CELF2: variants seen among roughly 807,000 people sequenced by gnomAD.
The protein encoded by CELF2 is CUGBP Elav-like family member 2, also known as CUG triplet repeat RNA-binding protein 2.
Under a neutral mutation model 62.6 loss-of-function variants are expected in CELF2, and 8 were observed. The observed-to-expected ratio is 0.13, with a 90% CI of 0.07 to 0.23. The LOEUF is 0.23. CELF2 is among the 10% of genes least tolerant of loss of function. The probability of loss-of-function intolerance (pLI) is 1.00; values close to 1 mark genes in which losing one functional copy is unlikely to be tolerated. For missense variants in CELF2, 333 were observed against 671.0 expected (o/e 0.50, Z 5.56); for synonymous variants, 258 against 250.0 (o/e 1.03, Z -0.30).
intron 1 of CELF2, among the ~76,000 whole-genome samples, chr10:10,914,201 G>A (rs2064115228): frequency 6.6e-6 from 1 of 152,002 alleles, no homozygotes; most frequent in Non-Finnish European, 1.5e-5. Flanking sequence ...AACATTCCAG[G>A]TCTTAAAAAT....
At chr10:11,114,732 C>T (rs2056145455) in intron 1 of CELF2, among the ~76,000 whole-genome samples, 1 of 152,182 alleles carries the variant, frequency 6.6e-6, no homozygotes, top group South Asian at 2.1e-4. Flanking sequence ...GAAATGTATC[C>T]TAACATATTA....
intron 2 of CELF2, among the ~76,000 whole-genome samples, chr10:10,956,870 T>G (rs2048961435): frequency 6.6e-6 from 1 of 151,586 alleles, no homozygotes; most frequent in Non-Finnish European, 1.5e-5. Context: ...GGGAGTCAAG[T>G]CTGCAGTGAG....
At chr10:10,631,923 A>G in the CELF2 span, among the ~76,000 whole-genome samples, 1 of 152,318 alleles carries the variant, frequency 6.6e-6, no homozygotes, top group Non-Finnish European at 1.5e-5. Context: ...GCAAGGCTAC[A>G]TTTTTTGGAG....
Position 11,302,273 on chromosome 10 carries a change from G to A in CELF2, c.977-11866G>A, listed in dbSNP as rs1359627702. 6.6e-6 allele frequency among the ~76,000 whole-genome samples: 1 copy of A among 152,148 alleles called. No homozygotes were observed. The highest frequency in any genetic ancestry group is 1.5e-5 in the Non-Finnish European group (1 of 68,046). On this transcript the variant is annotated intron_variant, in intron 9 of 12. Coordinates refer to ENST00000633077, the MANE Select transcript of CELF2 (RefSeq NM_001326342.2). The surrounding 1 kb of genome is among the most constrained non-coding windows in gnomAD (Gnocchi z 5.0). The stretch of plus-strand genomic sequence containing the variant: ...ATCAAGTTTTCACCCAGTCGTGATG[G>A]AATTTGACAGCACCGCATCGGATAG...
In CELF2 at chr10:11,098,851, G is replaced by A. The variant is rs972232412; in HGVS notation, c.75-66635G>A. On this transcript the variant is annotated intron_variant, in intron 1 of 12. Coordinates refer to ENST00000633077, the MANE Select transcript of CELF2 (RefSeq NM_001326342.2). This position sits in a 1 kb window ranked among gnomAD's most constrained non-coding sequence, Gnocchi z 4.0. ...GGGTGATAATTCTACCTGGGCAGCA[G>A]GCCACGCGTGAGAGCAGCTTCCCCG... 6.6e-6 allele frequency among the ~76,000 whole-genome samples: 1 copy of A among 152,196 alleles called. No homozygotes were observed. Among genetic ancestry groups the A allele is most frequent in the Non-Finnish European group, 1.5e-5 (1 of 68,032 alleles).
chr10:11,262,836 TACTTCTTTC>T (rs141472384), intron 5 of CELF2, among the ~76,000 whole-genome samples: 7,444 of 152,052 alleles, frequency 0.049, 647 homozygotes, highest in African/African-American at 0.17. Context: ...ACACAAGTTA[TACTTCTTTC>T]ACTTGAAGTA....
chr10:10,930,821 A>G (rs951591207), intron 2 of CELF2, among the ~76,000 whole-genome samples: 1 of 152,220 alleles, frequency 6.6e-6, no homozygotes, highest in Non-Finnish European at 1.5e-5. Flanking sequence ...ATTAAATACA[A>G]TATTCTCATC....
the CELF2 span, among the ~76,000 whole-genome samples, chr10:10,562,784 C>CCTACCTCCCTGCCCTCCACAGA: frequency 7.2e-6 from 1 of 139,284 alleles, no homozygotes; most frequent in African/African-American, 3.1e-5. Context: ...AGATACGGAG[C>CCTACCTCCCTGCCCTCCACAGA]CTACCTCCCT....
chr10:10,545,469 C>T, the CELF2 span, among the ~76,000 whole-genome samples: 35,437 of 152,070 alleles, frequency 0.23, 4,386 homozygotes, highest in Non-Finnish European at 0.29. Context: ...TTTCTCTAAG[C>T]AAGGAAAAGG....
the CELF2 span, among the ~76,000 whole-genome samples, chr10:10,487,479 A>G: frequency 3.3e-5 from 5 of 152,164 alleles, no homozygotes. Context: ...CAAACACACT[A>G]CAGTATGTTT....
intron 2 of CELF2, among the ~76,000 whole-genome samples, chr10:11,204,565 C>T (rs889329358): frequency 4.6e-5 from 7 of 152,314 alleles, no homozygotes; most frequent in African/African-American, 1.7e-4. Flanking sequence ...TGGGGGGACC[C>T]AGGAAGCGTA....
At chr10:11,132,606 A>G (rs2059781975) in intron 1 of CELF2, among the ~76,000 whole-genome samples, 1 of 152,190 alleles carries the variant, frequency 6.6e-6, no homozygotes, top group African/African-American at 2.4e-5. Context: ...AGAAATTTTC[A>G]ATTGCAGAAA....
At chr10:10,878,639 G>A (rs1003247818) in intron 1 of CELF2, among the ~76,000 whole-genome samples, 13 of 152,176 alleles carry the variant, frequency 8.5e-5, no homozygotes, top group Non-Finnish European at 1.8e-4. Context: ...GGTCATTTGT[G>A]CTGAGAAATC....
chr10:10,754,160 T>G, the CELF2 span, among the ~76,000 whole-genome samples: 1 of 151,248 alleles, frequency 6.6e-6, no homozygotes, highest in South Asian at 2.1e-4. Flanking sequence ...CTTTTTTTTT[T>G]TTGAGACAGA....
chr10:11,171,373 G>T (rs1050973274), intron 2 of CELF2: 1 of 152,216 alleles, frequency 6.6e-6, no homozygotes, highest in African/African-American at 2.4e-5. Context: ...ACTGATCTTC[G>T]AATAGGATGA....
the CELF2 span, among the ~76,000 whole-genome samples, chr10:10,646,059 T>C: frequency 6.6e-6 from 1 of 152,186 alleles, no homozygotes; most frequent in Non-Finnish European, 1.5e-5. Flanking sequence ...CGTCTCATTC[T>C]CCATTGAGGT....
At position 11,214,318 on chromosome 10, in the gene CELF2, A is replaced by G. The variant is rs1415728595; in HGVS notation, c.272-3107A>G. ...AATTTTTTAATGATGAAACTAACTA[A>G]GGTACTGAGGAGGTAAGATATTTCC... On this transcript the variant is annotated intron_variant, in intron 2 of 12. Transcript: ENST00000633077. This position sits in a 1 kb window ranked among gnomAD's most constrained non-coding sequence, Gnocchi z 4.2. Among the ~76,000 whole-genome samples, 1 of 152,226 alleles carries G rather than the reference A, an allele frequency of 6.6e-6. No homozygotes were observed. Among genetic ancestry groups the G allele is most frequent in the Non-Finnish European group, 1.5e-5 (1 of 68,048 alleles).
chr10:10,634,699 T>G, the CELF2 span, among the ~76,000 whole-genome samples: 1 of 151,116 alleles, frequency 6.6e-6, no homozygotes, highest in African/African-American at 2.4e-5. Flanking sequence ...TCTCACTCTG[T>G]CACCCAGGCT....
intron 1 of CELF2, among the ~76,000 whole-genome samples, chr10:11,093,735 C>A (rs761672920): frequency 6.6e-6 from 1 of 152,148 alleles, no homozygotes; most frequent in African/African-American, 2.4e-5. Flanking sequence ...ATCAGCCAGT[C>A]AATTCCGTTA....
Sources: gnomAD v4.1 joint callset for allele counts (sites outside exome capture counted in the v4.1 genomes callset) on GRCh38, gnomAD v4.1.1 for gene constraint, Gnocchi (gnomAD v3.1) non-coding constraint, MANE v1.5 for transcripts, NCBI Gene and HGNC (gene_info 2026-07-23, HGNC 2026-07-21) for gene names.